Variants in HIP1 observed in about 807,000 individuals in gnomAD.
HIP1 encodes huntingtin interacting protein 1.
In HIP1, 65 loss-of-function variants were observed where a neutral mutation model predicts 147.6. That is an observed-to-expected ratio of 0.44 (90% CI 0.36 to 0.54). The LOEUF (loss-of-function observed/expected upper bound fraction) is 0.54, where lower values mean the gene tolerates loss of function less well. Among genes scored for constraint, HIP1 ranks in the 20% least tolerant of loss-of-function variants. The probability of loss-of-function intolerance (pLI) is 0.00; values close to 1 mark genes in which losing one functional copy is unlikely to be tolerated. For missense variants in HIP1, 1,061 were observed against 1,299.6 expected (o/e 0.82, Z 2.82); for synonymous variants, 479 against 504.0 (o/e 0.95, Z 0.67).
At chr7:75,616,932 G>T (rs966801176) in intron 1 of HIP1, among the ~76,000 whole-genome samples, 1 of 151,956 alleles carries the variant, frequency 6.6e-6, no homozygotes, top group Non-Finnish European at 1.5e-5. Flanking sequence ...TTTGGACAAG[G>T]TCTTGCTCTG....
rs1247000628 is a variant in HIP1 at position 75,561,385 on chromosome 7, G to T, written c.1135C>A (p.Arg379=). The change falls in exon 13 of 31, where the codon CGA becomes AGA. Residue 379 remains arginine, a synonymous_variant. Coordinates refer to ENST00000336926, the MANE Select transcript of HIP1 (RefSeq NM_005338.7). ...NKDEKDHLIE[R]LYREISGLKA... Reference sequence around the variant, plus strand: ...AATCCACTGATCTCTCTGTATAGTCGCTCAATTAAGTGGTCCCTGGGAAGA... The same window carrying T: ...AATCCACTGATCTCTCTGTATAGTCTCTCAATTAAGTGGTCCCTGGGAAGA... The T allele has an allele frequency of 6.2e-7, 1 of 1,611,656 alleles. No individual in the cohort carries two copies. Among genetic ancestry groups the T allele is most frequent in the Non-Finnish European group, 8.5e-7 (1 of 1,177,730 alleles).
chr7:75,543,459 C>T (rs1233823588), intron 27 of HIP1, among the ~76,000 whole-genome samples: 2 of 152,156 alleles, frequency 1.3e-5, no homozygotes, highest in African/African-American at 2.4e-5. Context: ...TCAAGCAATT[C>T]TCCTGCCTCA....
intron 2 of HIP1, among the ~76,000 whole-genome samples, chr7:75,596,847 G>A (rs1796766820): frequency 6.6e-6 from 1 of 152,202 alleles, no homozygotes. Context: ...CCGGCAGCAT[G>A]TGACCTGACC....
chr7:75,617,235 C>T (rs763574381), intron 1 of HIP1, among the ~76,000 whole-genome samples: 11 of 152,150 alleles, frequency 7.2e-5, no homozygotes, highest in East Asian at 1.9e-4. Context: ...CCATCACTCC[C>T]GGCTAATTTG....
chr7:75,543,185 C>CT (rs1457961209), intron 27 of HIP1, among the ~76,000 whole-genome samples: 1 of 152,026 alleles, frequency 6.6e-6, no homozygotes, highest in Admixed American at 6.6e-5. Flanking sequence ...ATCCCAAACT[C>CT]TAAGCATTAT....
At chr7:75,593,080 T>C (rs1292322933) in intron 2 of HIP1, among the ~76,000 whole-genome samples, 1 of 152,116 alleles carries the variant, frequency 6.6e-6, no homozygotes, top group African/African-American at 2.4e-5. Flanking sequence ...GCAATCCTCC[T>C]ACCTCAGCCT....
At chr7:75,731,489 A>C (rs375382340) in intron 1 of HIP1, among the ~76,000 whole-genome samples, 5 of 151,516 alleles carry the variant, frequency 3.3e-5, no homozygotes, top group Admixed American at 1.3e-4. Flanking sequence ...AAAAAAAAAA[A>C]AAAAAAAAAA....
At chr7:75,736,906 C>T (rs568879455) in intron 1 of HIP1, among the ~76,000 whole-genome samples, 2 of 151,026 alleles carry the variant, frequency 1.3e-5, no homozygotes. Context: ...GACACACCTG[C>T]GCGCGGTTTT....
intron 28 of HIP1, 97 bp from the exon 29 acceptor site, chr7:75,542,077 C>T (rs1218624653): frequency 2.0e-6 from 2 of 998,406 alleles, no homozygotes; most frequent in Non-Finnish European, 3.2e-6. Context: ...AAACGCCTGG[C>T]TTGCCATTTG....
chr7:75,559,897 G>T lies in HIP1; in HGVS notation c.1210C>A (p.Gln404Lys). Residue 404 changes from glutamine (Q) to lysine (K), a missense_variant, in exon 14 of 31, where the codon CAG becomes AAG. Gln to Lys is a moderately conservative substitution (Grantham distance 53). Coordinates refer to ENST00000336926, the MANE Select transcript of HIP1 (RefSeq NM_005338.7). ...MKTESQRVVLQLKGHVSELEA... is the reference protein window; with the variant it reads ...MKTESQRVVLKLKGHVSELEA... Reference sequence around the variant, plus strand: ...AGCTCGCTGACGTGGCCCTTCAGCTGCAGCACAACCCGCTGGCTCTGTGGG... The same window carrying T: ...AGCTCGCTGACGTGGCCCTTCAGCTTCAGCACAACCCGCTGGCTCTGTGGG... The T allele has an allele frequency of 6.2e-7, 1 of 1,607,156 alleles. No individual in the cohort carries two copies. Among genetic ancestry groups the T allele is most frequent in the Non-Finnish European group, 8.5e-7 (1 of 1,178,070 alleles).
intron 4 of HIP1, among the ~76,000 whole-genome samples, chr7:75,591,693 T>G (rs1301012221): frequency 1.5e-5 from 2 of 134,884 alleles, no homozygotes; most frequent in Admixed American, 8.4e-5. Flanking sequence ...AAGACCAGCC[T>G]GGGCAGCATA....
intron 27 of HIP1, among the ~76,000 whole-genome samples, chr7:75,543,654 C>T (rs74302324): frequency 1.3e-5 from 2 of 152,226 alleles, no homozygotes; most frequent in East Asian, 3.9e-4. Flanking sequence ...AATTTGAACA[C>T]TAATAAAGAG....
At chr7:75,639,870 A>G (rs943973520) in intron 1 of HIP1, among the ~76,000 whole-genome samples, 1 of 152,068 alleles carries the variant, frequency 6.6e-6, no homozygotes, top group African/African-American at 2.4e-5. Flanking sequence ...CAGATGGGCA[A>G]TTGGGAGGAA....
intron 24 of HIP1, 56 bp from the exon 25 acceptor site, chr7:75,547,088 A>C: frequency 7.2e-7 from 1 of 1,379,706 alleles, no homozygotes; most frequent in Non-Finnish European, 1.0e-6. Context: ...ATCAATGAAC[A>C]CGACGGTTCT....
intron 1 of HIP1, among the ~76,000 whole-genome samples, chr7:75,648,531 C>T (rs1244394379): frequency 6.6e-6 from 1 of 152,140 alleles, no homozygotes; most frequent in African/African-American, 2.4e-5. Flanking sequence ...TCCCTTTCCA[C>T]AGATTTGACG....
intron 1 of HIP1, among the ~76,000 whole-genome samples, chr7:75,632,922 C>A (rs1034059551): frequency 1.3e-5 from 2 of 152,122 alleles, no homozygotes; most frequent in African/African-American, 4.8e-5. Context: ...AACGAAACAC[C>A]GCATGTTCTC....
chr7:75,709,008 T>C (rs1294235445), intron 1 of HIP1, among the ~76,000 whole-genome samples: 3 of 152,114 alleles, frequency 2.0e-5, no homozygotes, highest in Non-Finnish European at 4.4e-5. Flanking sequence ...CTTTTATTTA[T>C]GTCTTCTTTA....
intron 1 of HIP1, among the ~76,000 whole-genome samples, chr7:75,726,975 C>T (rs1554522407): frequency 1.3e-5 from 2 of 151,926 alleles, no homozygotes; most frequent in African/African-American, 4.8e-5. Flanking sequence ...TTGTGCCTGG[C>T]CAGTACCTTA....
chr7:75,627,374 G>T (rs781964461), intron 1 of HIP1, among the ~76,000 whole-genome samples: 27 of 152,040 alleles, frequency 1.8e-4, no homozygotes, highest in Admixed American at 3.3e-4. Context: ...ATAGAATAAA[G>T]AACCCAGTAA....
Sources: allele counts gnomAD v4.1 joint callset (sites outside exome capture counted in the v4.1 genomes callset), GRCh38; gene constraint gnomAD v4.1.1; transcripts MANE v1.5; gene names NCBI Gene and HGNC (gene_info 2026-07-23, HGNC 2026-07-21).